The following CTNNA3 variants were observed in gnomAD, a reference collection of about 807,000 sequenced individuals.
CTNNA3 encodes catenin alpha 3.
In CTNNA3, 76 loss-of-function variants were observed where a neutral mutation model predicts 95.7. The observed-to-expected ratio is 0.79, with a 90% CI of 0.66 to 0.96. CTNNA3 has a LOEUF of 0.96. Ranked by LOEUF, CTNNA3 falls within the 40% of genes least tolerant of loss-of-function variation. The pLI is 0.00. For missense variants in CTNNA3, 1,191 were observed against 1,089.8 expected, an observed-to-expected ratio of 1.09 and a Z score of -1.31; for synonymous variants, 431 against 374.4, an observed-to-expected ratio of 1.15 and a Z score of -1.74.
chr10:66,948,531 C>T (rs1301993659), intron 7 of CTNNA3, among the ~76,000 whole-genome samples: 1 of 152,152 alleles, frequency 6.6e-6, no homozygotes, highest in Non-Finnish European at 1.5e-5. Context: ...TAAAGATCTA[C>T]TTGGGAAGAT....
chr10:66,902,677 C>T (rs1438557299), intron 7 of CTNNA3, among the ~76,000 whole-genome samples: 1 of 152,092 alleles, frequency 6.6e-6, no homozygotes, highest in African/African-American at 2.4e-5. Flanking sequence ...CAAATAGATG[C>T]AATACAAAAC....
At chr10:66,691,567 C>A (rs1051682589) in intron 9 of CTNNA3, among the ~76,000 whole-genome samples, 1 of 152,202 alleles carries the variant, frequency 6.6e-6, no homozygotes, top group Non-Finnish European at 1.5e-5. Context: ...GTAACCTCTG[C>A]AGACTTAAAT....
intron 9 of CTNNA3, among the ~76,000 whole-genome samples, chr10:66,749,873 A>C (rs1839060150): frequency 6.6e-6 from 1 of 152,178 alleles, no homozygotes; most frequent in Non-Finnish European, 1.5e-5. Context: ...ATCCTCACCA[A>C]CACTTGGTAT....
At chr10:66,475,408 T>C (rs571942579) in intron 11 of CTNNA3, among the ~76,000 whole-genome samples, 1 of 152,244 alleles carries the variant, frequency 6.6e-6, no homozygotes, top group South Asian at 2.1e-4. Flanking sequence ...CTCTGGATAT[T>C]AGACCTTTCT....
intron 7 of CTNNA3, among the ~76,000 whole-genome samples, chr10:67,015,970 T>G (rs1201282877): frequency 1.3e-5 from 2 of 152,270 alleles, no homozygotes; most frequent in African/African-American, 4.8e-5. Flanking sequence ...TTTTTTCATT[T>G]CCATTTTCAT....
At chr10:67,003,466 T>C (rs999060552) in intron 7 of CTNNA3, among the ~76,000 whole-genome samples, 2 of 152,168 alleles carry the variant, frequency 1.3e-5, no homozygotes, top group East Asian at 3.8e-4. Flanking sequence ...GCGGAGAGGT[T>C]CCAAGATCGA....
intron 2 of CTNNA3, among the ~76,000 whole-genome samples, chr10:67,623,800 G>A (rs1274387470): frequency 6.6e-6 from 1 of 151,930 alleles, no homozygotes; most frequent in Non-Finnish European, 1.5e-5. Flanking sequence ...CCCAAAATAT[G>A]GTACCCTGGT....
intron 5 of CTNNA3, among the ~76,000 whole-genome samples, chr10:67,284,663 G>T (rs1839776794): frequency 4.6e-5 from 7 of 152,118 alleles, no homozygotes; most frequent in Admixed American, 4.6e-4. Context: ...CCAATTGATG[G>T]CTATAAAGTA....
chr10:66,211,994 T>TG (rs1197335398), intron 13 of CTNNA3, among the ~76,000 whole-genome samples: 2 of 144,014 alleles, frequency 1.4e-5, no homozygotes, highest in Non-Finnish European at 3.0e-5. Context: ...TTTTTTTTTT[T>TG]TTTTTTTTTT....
At chr10:66,162,724 G>C (rs1195030062) in intron 13 of CTNNA3, among the ~76,000 whole-genome samples, 1 of 152,052 alleles carries the variant, frequency 6.6e-6, no homozygotes, top group East Asian at 1.9e-4. Context: ...GAGAGCATCA[G>C]GTATAGTAGT....
intron 1 of CTNNA3, among the ~76,000 whole-genome samples, chr10:67,734,416 G>A (rs567185771): frequency 6.6e-6 from 1 of 151,958 alleles, no homozygotes; most frequent in East Asian, 1.9e-4. Context: ...GCTCCAGTAG[G>A]GTGAATAAAA....
At chr10:67,144,836 T>C (rs915935653) in intron 7 of CTNNA3, among the ~76,000 whole-genome samples, 2 of 152,182 alleles carry the variant, frequency 1.3e-5, no homozygotes, top group Non-Finnish European at 2.9e-5. Flanking sequence ...TTCAAGAACT[T>C]TTCCTTTGCA....
intron 3 of CTNNA3, among the ~76,000 whole-genome samples, chr10:67,583,214 G>A (rs530513836): frequency 1.3e-5 from 2 of 152,268 alleles, no homozygotes; most frequent in East Asian, 3.9e-4. Context: ...TCCTTTCCAT[G>A]TTTAGTGCTT....
chr10:67,153,188 T>C (rs776159933), intron 7 of CTNNA3, among the ~76,000 whole-genome samples: 12 of 151,984 alleles, frequency 7.9e-5, no homozygotes, highest in Non-Finnish European at 1.8e-4. Flanking sequence ...ATTGGCCAGG[T>C]TGGTCTCGAA....
At chr10:66,073,930 A>G (rs1449042930) in intron 14 of CTNNA3, among the ~76,000 whole-genome samples, 2 of 152,072 alleles carry the variant, frequency 1.3e-5, no homozygotes, top group African/African-American at 2.4e-5. Context: ...CAAACAGAGC[A>G]AATCCATGCA....
At chr10:66,265,473 A>G (rs2091124703) in intron 13 of CTNNA3, among the ~76,000 whole-genome samples, 2 of 151,984 alleles carry the variant, frequency 1.3e-5, no homozygotes. Context: ...AATGCTTTGG[A>G]ACAAAATTCA....
chr10:67,531,332 G>T (rs933830165), intron 4 of CTNNA3, among the ~76,000 whole-genome samples: 2 of 152,160 alleles, frequency 1.3e-5, no homozygotes, highest in African/African-American at 2.4e-5. Context: ...GCTGTATCCC[G>T]CAAAGCCACA....
intron 3 of CTNNA3, among the ~76,000 whole-genome samples, chr10:67,591,567 T>C (rs1296463643): frequency 2.0e-5 from 3 of 152,110 alleles, no homozygotes; most frequent in Non-Finnish European, 2.9e-5. Context: ...TTGGATTCAA[T>C]GTCACATAGA....
At chr10:67,154,906 G>A (rs2132074681) in intron 7 of CTNNA3, among the ~76,000 whole-genome samples, 1 of 152,270 alleles carries the variant, frequency 6.6e-6, no homozygotes, top group Admixed American at 6.5e-5. Context: ...TTTTAGGAAT[G>A]TGTTTTTTCA....
Sources: allele counts gnomAD v4.1 joint callset (sites outside exome capture counted in the v4.1 genomes callset), GRCh38; gene constraint gnomAD v4.1.1; transcripts MANE v1.5; gene names NCBI Gene and HGNC (gene_info 2026-07-23, HGNC 2026-07-21).